The following PTPRS variants were observed in gnomAD, a reference collection of about 807,000 sequenced individuals.
PTPRS encodes receptor-type tyrosine-protein phosphatase S.
PTPRS carries 63 observed loss-of-function variants against 215.3 expected under a neutral mutation model. That is an observed-to-expected ratio of 0.29 (90% confidence interval 0.24 to 0.36). The LOEUF (loss-of-function observed/expected upper bound fraction) is 0.36. Ranked by LOEUF, PTPRS falls within the 10% of genes least tolerant of loss-of-function variation. PTPRS has a pLI of 1.00. For synonymous variants in PTPRS, 1,404 were observed against 1,191.4 expected (o/e 1.18, Z -3.68); for missense variants, 2,258 against 2,825.8 (o/e 0.80, Z 4.56).
In PTPRS at chr19:5,244,002, CTGCCCACG is replaced by C; in HGVS notation, c.1461_1468del (p.Val488ProfsTer136). The C allele has an allele frequency of 2.0e-6, 3 of 1,470,710 alleles. No individual in the cohort carries two copies. Among genetic ancestry groups the C allele is most frequent in the Admixed American group, 1.9e-5 (1 of 51,832 alleles). 91.1% of individuals were successfully genotyped at this position (1,470,710 alleles called of 1,614,324 possible). A position where few individuals can be genotyped will look rare whatever the true frequency, so the allele number is the denominator to read the frequency against. On this transcript the variant is annotated frameshift_variant, in exon 11 of 38. Transcript: ENST00000262963. LOFTEE classifies it high-confidence loss of function. The surrounding 1 kb of genome is among the most constrained non-coding windows in gnomAD (Gnocchi z 7.2). ...GGTGTAGGTCTCGTCCTCCAGCAGG[CTGCCCACG>C]GTGGTCAGCAGGCTGTCGTCCACGT... is the stretch of plus-strand genomic sequence containing the variant.
rs767400237 is a variant in PTPRS, at chr19:5,220,003, C to G, written c.3701G>C (p.Arg1234Pro). ...ATAGCGGTGGCCGGGCTCCAGGCCC[C>G]GGTTATCGAAGCCGCCATACTGCTT... ...DQKQYGGFDN[R>P]GLEPGHRYVL... Residue 1234 changes from arginine (R) to proline (P), a missense_variant, in exon 22 of 38, where the codon CGG becomes CCG. This residue lies in a region of PTPRS where 927 missense variants were observed against 1,125.9 expected (regional missense o/e 0.82). Coordinates refer to ENST00000262963, the MANE Select transcript of PTPRS (RefSeq NM_002850.4). 1.9e-6 allele frequency: 3 copies of G among 1,613,512 alleles called. No individual in the cohort carries two copies. The highest frequency in any genetic ancestry group is 2.5e-6 in the Non-Finnish European group (3 of 1,180,016).
At position 5,286,236 on chromosome 19, in the gene PTPRS, TGCAGA is replaced by T; in HGVS notation, c.-94-7_-94-3del. 7.3e-7 allele frequency: 1 copy of T among 1,367,946 alleles called. No individual in the cohort carries two copies. Among genetic ancestry groups the T allele is most frequent in the Non-Finnish European group, 1.0e-6 (1 of 981,462 alleles). 84.7% of individuals were successfully genotyped at this position (1,367,946 alleles called of 1,614,324 possible). A position where few individuals can be genotyped will look rare whatever the true frequency, so the allele number is the denominator to read the frequency against. On this transcript the variant is annotated splice_polypyrimidine_tract_variant and splice_region_variant and intron_variant, in intron 1 of 37. Coordinates refer to ENST00000262963, the MANE Select transcript of PTPRS (RefSeq NM_002850.4). The stretch of plus-strand genomic sequence containing the variant: ...GCCGAGCGTCAGATGGGGCAACGTC[TGCAGA>T]GACAATGGAGGGCTGTGAGAGGCGA...
At chr19:5,288,238 A>G (rs1599980597) in intron 1 of PTPRS, among the ~76,000 whole-genome samples, 1 of 152,212 alleles carries the variant, frequency 6.6e-6, no homozygotes, top group East Asian at 1.9e-4. Flanking sequence ...GTGCCGGCAC[A>G]CTGTCAGACT....
At chr19:5,268,639 C>T (rs1382052619) in intron 4 of PTPRS, among the ~76,000 whole-genome samples, 5 of 152,140 alleles carry the variant, frequency 3.3e-5, no homozygotes, top group Admixed American at 3.3e-4. Context: ...GGGGTCACTG[C>T]TTGGATGGGA....
At chr19:5,213,698 T>C (rs2041147081) in intron 30 of PTPRS, among the ~76,000 whole-genome samples, 1 of 152,212 alleles carries the variant, frequency 6.6e-6, no homozygotes, top group African/African-American at 2.4e-5. Context: ...ATTCTCACTC[T>C]TGTCCATGTA....
In PTPRS at chr19:5,223,096, G is replaced by A. The variant is rs909751365; in HGVS notation, c.2696C>T (p.Ala899Val). 1 of 1,563,364 alleles carries A rather than the reference G, an allele frequency of 6.4e-7. No individual in the cohort carries two copies. Among genetic ancestry groups the A allele is most frequent in the South Asian group, 1.2e-5 (1 of 85,132 alleles). ...RYTASGVHKGATYVFRLAARS... is the reference protein window; with the variant it reads ...RYTASGVHKGVTYVFRLAARS... ...GGCCGCAAGCCGGAACACATACGTGGCCCCCTTGTGCACGCCTGATGCCGT... is the reference window on the plus strand; with the variant it reads ...GGCCGCAAGCCGGAACACATACGTGACCCCCTTGTGCACGCCTGATGCCGT... Residue 899 changes from alanine (A) to valine (V), a missense_variant, in exon 18 of 38, where the codon GCC becomes GTC. Around this residue, in one of 6 missense-constraint regions of PTPRS, gnomAD observed 361 missense variants for 332.6 expected, o/e 1.09. Coordinates refer to ENST00000262963, the MANE Select transcript of PTPRS (RefSeq NM_002850.4).
intron 1 of PTPRS, among the ~76,000 whole-genome samples, chr19:5,322,132 AACTGC>A (rs2050039178): frequency 6.6e-6 from 1 of 152,192 alleles, no homozygotes; most frequent in African/African-American, 2.4e-5. Flanking sequence ...CCTGACAGGG[AACTGC>A]AGGCCCCACG....
intron 35 of PTPRS, among the ~76,000 whole-genome samples, chr19:5,208,780 C>A (rs2040603158): frequency 6.6e-6 from 1 of 152,104 alleles, no homozygotes; most frequent in South Asian, 2.1e-4. Context: ...CCCAGCTGTT[C>A]CTCTCCCCAC....
chr19:5,234,635 C>T (rs941879522), intron 13 of PTPRS, among the ~76,000 whole-genome samples: 4 of 152,156 alleles, frequency 2.6e-5, no homozygotes, highest in African/African-American at 7.2e-5. Context: ...GTGCCAAAGG[C>T]TCTCTCAGAA....
At chr19:5,307,827 C>T (rs1187031411) in intron 1 of PTPRS, among the ~76,000 whole-genome samples, 1 of 152,178 alleles carries the variant, frequency 6.6e-6, no homozygotes, top group Admixed American at 6.5e-5. Context: ...TATCGGGGGC[C>T]AAATCCGGCC....
chr19:5,310,623 T>A (rs1315898705), intron 1 of PTPRS, among the ~76,000 whole-genome samples: 1 of 152,150 alleles, frequency 6.6e-6, no homozygotes, highest in Non-Finnish European at 1.5e-5. Flanking sequence ...TGGCCAACTT[T>A]ATTTTTCTTA....
Position 5,265,183 on chromosome 19 carries a change from G to C in PTPRS, c.393C>G (p.Pro131=). The C allele has an allele frequency of 6.2e-7, 1 of 1,613,638 alleles. No homozygotes were observed. Among genetic ancestry groups the C allele is most frequent in the South Asian group, 1.1e-5 (1 of 91,012 alleles). ...CCATGTCGATGTTGGGGAAGCCAGA[G>C]GGCAGCTGGTCCTCTGAGGGCAGAG... is the stretch of plus-strand genomic sequence containing the variant. ...KLTVLREDQL[P]SGFPNIDMGP... The change falls in exon 5 of 38, where the codon CCC becomes CCG. Residue 131 remains proline (P), a synonymous_variant. Coordinates refer to ENST00000262963, the MANE Select transcript of PTPRS (RefSeq NM_002850.4).
In PTPRS at chr19:5,221,217, G is replaced by C; in HGVS notation, c.3238C>G (p.Arg1080Gly). ...TGCGTGATGAGCTTCTTGGTGGTAC[G>C]GCCATCCACATCCAGTGTGAGCCCA... ...YNGLTLDVDG[R>G]TTKKLITHLK... Residue 1080 changes from arginine to glycine, a missense_variant, in exon 20 of 38, where the codon CGT (arginine) becomes GGT (glycine). Around this residue, in one of 6 missense-constraint regions of PTPRS, gnomAD observed 927 missense variants for 1,125.9 expected, o/e 0.82. Coordinates refer to ENST00000262963, the MANE Select transcript of PTPRS (RefSeq NM_002850.4). The C allele has an allele frequency of 3.1e-6, 5 of 1,613,814 alleles. No individual in the cohort carries two copies. The highest frequency in any genetic ancestry group is 3.4e-6 in the Non-Finnish European group (4 of 1,179,910).
In PTPRS at chr19:5,339,121, G is replaced by A. The variant is rs965464278; in HGVS notation, c.-95+1543C>T. 1.3e-5 allele frequency among the ~76,000 whole-genome samples: 2 copies of A among 152,200 alleles called. No individual in the cohort carries two copies. Among genetic ancestry groups the A allele is most frequent in the Admixed American group, 1.3e-4 (2 of 15,292 alleles). On this transcript the variant is annotated intron_variant, in intron 1 of 37. Transcript: ENST00000262963. The surrounding 1 kb of genome is among the most constrained non-coding windows in gnomAD (Gnocchi z 4.2). The stretch of plus-strand genomic sequence containing the variant: ...CCGCTTCACTAGCCGCGGCTGCCGG[G>A]ATGTGTTTTTAGGGTCTCGGCCAGA...
intron 26 of PTPRS, among the ~76,000 whole-genome samples, chr19:5,216,006 G>A (rs1417864446): frequency 6.6e-6 from 1 of 152,196 alleles, no homozygotes; most frequent in Admixed American, 6.5e-5. Context: ...GCAGCCGGCT[G>A]TGCTTTGGAA....
chr19:5,285,355 GC>G (rs2048257073), intron 2 of PTPRS, among the ~76,000 whole-genome samples: 1 of 152,162 alleles, frequency 6.6e-6, no homozygotes, highest in Non-Finnish European at 1.5e-5. Flanking sequence ...TTGGCATTGG[GC>G]CCCAGATGGA....
rs765032847 is a variant in PTPRS at position 5,220,172 on chromosome 19, T to C, written c.3550-18A>G. The C allele has an allele frequency of 8.7e-6, 14 of 1,609,968 alleles. No individual in the cohort carries two copies. The highest frequency in any genetic ancestry group is 2.2e-5 in the East Asian group (1 of 44,820). ...TGGATGAGCTGCGGGAACAGAGTCA[T>C]GGGTGGCTCAGAGCTCAGCTGGGAG... On this transcript the variant is annotated intron_variant, in intron 21 of 37. Transcript: ENST00000262963.
intron 9 of PTPRS, among the ~76,000 whole-genome samples, chr19:5,251,751 G>C (rs947672000): frequency 2.0e-5 from 3 of 152,054 alleles, no homozygotes. Flanking sequence ...CCCGCCCCTG[G>C]AGTCCCCTCT....
At chr19:5,212,923 G>A (rs375661676) in intron 30 of PTPRS, among the ~76,000 whole-genome samples, 9 of 139,970 alleles carry the variant, frequency 6.4e-5, no homozygotes, top group Non-Finnish European at 7.4e-5. Flanking sequence ...GGCCCTGGAC[G>A]GTTTCCAAGT....
Sources: gnomAD v4.1 joint callset for allele counts (sites outside exome capture counted in the v4.1 genomes callset) on GRCh38, gnomAD v4.1.1 for gene constraint, gnomAD v4.1.1 regional missense constraint, Gnocchi (gnomAD v3.1) non-coding constraint, MANE v1.5 for transcripts, NCBI Gene and HGNC (gene_info 2026-07-23, HGNC 2026-07-21) for gene names.